Variants in SIK2 observed in about 807,000 individuals in gnomAD.
The protein encoded by SIK2 is salt inducible kinase 2.
A neutral mutation model predicts 103.2 loss-of-function variants in SIK2; 29 were observed. That is an observed-to-expected ratio of 0.28 (90% CI 0.21 to 0.38). The LOEUF (loss-of-function observed/expected upper bound fraction) is 0.38. Ranked by LOEUF, SIK2 falls within the 10% of genes least tolerant of loss-of-function variation. The pLI, the probability that SIK2 is intolerant of heterozygous loss-of-function variation, is 1.00. For synonymous variants in SIK2, 412 were observed against 446.1 expected (o/e 0.92, Z 0.96); for missense variants, 879 against 1,171.0 (o/e 0.75, Z 3.64).
intron 1 of SIK2, among the ~76,000 whole-genome samples, chr11:111,606,767 G>A (rs1234035762): frequency 6.6e-6 from 1 of 151,960 alleles, no homozygotes; most frequent in African/African-American, 2.4e-5. Context: ...ACATTAAAGA[G>A]TAGTGTATTT....
At chr11:111,635,801 T>C (rs1204607427) in intron 3 of SIK2, among the ~76,000 whole-genome samples, 2 of 152,204 alleles carry the variant, frequency 1.3e-5, no homozygotes, top group African/African-American at 4.8e-5. Flanking sequence ...CCGTTAGTTA[T>C]GGTTCAAAGC....
chr11:111,610,300 G>A (rs1300976720), intron 1 of SIK2, among the ~76,000 whole-genome samples: 1 of 152,048 alleles, frequency 6.6e-6, no homozygotes, highest in African/African-American at 2.4e-5. Context: ...GACCAGCCTG[G>A]CCAACATGGT....
Position 111,724,193 on chromosome 11 carries a change from G to A in SIK2, c.*64G>A, listed in dbSNP as rs901481023. ...AGTGTATGTTCCTATTTTTATTCCAGCCTTTTAAATTTAAAGCTTATTTTC... is the reference window on the plus strand; with the variant it reads ...AGTGTATGTTCCTATTTTTATTCCAACCTTTTAAATTTAAAGCTTATTTTC... On this transcript the variant is annotated 3_prime_UTR_variant, in exon 15 of 15. Transcript: ENST00000304987. 7 of 1,531,718 alleles carry A rather than the reference G, an allele frequency of 4.6e-6. No homozygotes were observed. The Admixed American group carries it at 1.4e-4, about 30-fold the overall frequency. 94.9% of individuals were successfully genotyped at this position (1,531,718 alleles called of 1,614,324 possible).
At chr11:111,616,447 C>G (rs1941807746) in intron 2 of SIK2, 88 bp downstream of exon 2, 1 of 769,752 alleles carries the variant, frequency 1.3e-6, no homozygotes, top group African/African-American at 1.7e-5. Flanking sequence ...ATTTGTTTTT[C>G]TAATCAATGA....
chr11:111,703,551 T>C (rs1474868884), intron 7 of SIK2, 128 bp downstream of exon 7: 3 of 736,106 alleles, frequency 4.1e-6, no homozygotes, highest in Non-Finnish European at 6.7e-6. Flanking sequence ...GTGTTCCCTA[T>C]AGATGACATC....
In SIK2 at chr11:111,703,116, C is replaced by T. The variant is rs1487724067; in HGVS notation, c.728-87C>T. 11 of 1,174,254 alleles carry T rather than the reference C, an allele frequency of 9.4e-6. No homozygotes were observed. In the East Asian group the frequency reaches 1.6e-4, roughly 18 times the overall value. 72.7% of individuals were successfully genotyped at this position (1,174,254 alleles called of 1,614,324 possible). ...CCAGTAGAGGATACAAAGATTAACACCCTTGTACAAAGTCACATGAGTCAA... is the reference window on the plus strand; with the variant it reads ...CCAGTAGAGGATACAAAGATTAACATCCTTGTACAAAGTCACATGAGTCAA... On this transcript the variant is annotated intron_variant, in intron 6 of 14. Transcript: ENST00000304987.
chr11:111,640,337 C>T (rs112276797), intron 3 of SIK2, among the ~76,000 whole-genome samples: 3 of 152,320 alleles, frequency 2.0e-5, no homozygotes, highest in African/African-American at 7.2e-5. Flanking sequence ...TCCCAGTCTG[C>T]TATCTTGAAA....
chr11:111,609,589 TG>T (rs1941692779), intron 1 of SIK2, among the ~76,000 whole-genome samples: 1 of 152,234 alleles, frequency 6.6e-6, no homozygotes, highest in Non-Finnish European at 1.5e-5. Flanking sequence ...CCCAAAGTGC[TG>T]GGATTACAGG....
chr11:111,656,833 C>G (rs756433614), intron 3 of SIK2, among the ~76,000 whole-genome samples: 2 of 152,126 alleles, frequency 1.3e-5, no homozygotes, highest in Non-Finnish European at 2.9e-5. Context: ...ATTTTATGTT[C>G]TTATACTCTA....
At chr11:111,627,972 C>G (rs1201765432) in intron 3 of SIK2, among the ~76,000 whole-genome samples, 2 of 152,152 alleles carry the variant, frequency 1.3e-5, no homozygotes, top group African/African-American at 4.8e-5. Flanking sequence ...TAGTCAAGTA[C>G]ATTTTATATA....
intron 3 of SIK2, among the ~76,000 whole-genome samples, chr11:111,681,699 G>T (rs953512980): frequency 3.3e-5 from 5 of 151,982 alleles, no homozygotes; most frequent in African/African-American, 1.2e-4. Context: ...GTTTTTTTCA[G>T]AATAATAACT....
intron 3 of SIK2, among the ~76,000 whole-genome samples, chr11:111,660,132 T>C (rs1942448464): frequency 6.6e-6 from 1 of 152,116 alleles, no homozygotes; most frequent in African/African-American, 2.4e-5. Context: ...GCTCTGTTGG[T>C]GAGAAAGAGA....
Position 111,687,927 on chromosome 11 carries a change from A to G in SIK2, c.317-74A>G. ...GCCAGAAAAAAAACTTTTTGAGGAA[A>G]AAAATTTCCTGACTACTAATAGTGG... On this transcript the variant is annotated intron_variant, in intron 3 of 14. Transcript: ENST00000304987. The G allele has an allele frequency of 3.2e-6, 5 of 1,551,386 alleles. No individual in the cohort carries two copies. In the South Asian group the frequency reaches 4.9e-5, roughly 15 times the overall value.
At chr11:111,627,966 C>G (rs1479724279) in intron 3 of SIK2, among the ~76,000 whole-genome samples, 4 of 152,158 alleles carry the variant, frequency 2.6e-5, no homozygotes, top group Non-Finnish European at 5.9e-5. Context: ...CTTCTCTAGT[C>G]AAGTACATTT....
intron 2 of SIK2, among the ~76,000 whole-genome samples, chr11:111,618,639 A>C (rs1467347527): frequency 1.3e-5 from 2 of 152,160 alleles, no homozygotes; most frequent in African/African-American, 4.8e-5. Context: ...TAGCCACTGT[A>C]CTTTAGCCTG....
chr11:111,692,372 A>C (rs1942964792), intron 4 of SIK2, among the ~76,000 whole-genome samples: 2 of 138,662 alleles, frequency 1.4e-5, no homozygotes, highest in South Asian at 2.2e-4. Flanking sequence ...AAAAAAAAAA[A>C]AAAAAAAAAA....
Position 111,721,881 on chromosome 11 carries a change from C to T in SIK2, c.1996C>T (p.His666Tyr). 1 of 1,612,812 alleles carries T rather than the reference C, an allele frequency of 6.2e-7. No individual in the cohort carries two copies. Among genetic ancestry groups the T allele is most frequent in the South Asian group, 1.1e-5 (1 of 90,956 alleles). The change falls in exon 13 of 15, where the codon CAT (histidine) becomes TAT (tyrosine). Residue 666 changes from histidine to tyrosine, a missense_variant. Around this residue, in one of 7 missense-constraint regions of SIK2, gnomAD observed 375 missense variants for 416.3 expected, o/e 0.90. Transcript: ENST00000304987. Reference sequence around the variant, plus strand: ...CGTCTCCACTCTCCCTGCCAGCGTGCATCCCCAGCTGTCCCCACGGCAGAG... The same window carrying T: ...CGTCTCCACTCTCCCTGCCAGCGTGTATCCCCAGCTGTCCCCACGGCAGAG... ...ESVSTLPASV[H>Y]PQLSPRQSLE...
intron 3 of SIK2, among the ~76,000 whole-genome samples, chr11:111,672,656 A>C (rs189924312): frequency 1.6e-3 from 243 of 152,278 alleles, no homozygotes; most frequent in African/African-American, 5.2e-3. Context: ...GACTGTCAAG[A>C]AGCTGCTGAC....
chr11:111,664,695 C>A (rs908201543), intron 3 of SIK2, among the ~76,000 whole-genome samples: 2 of 135,972 alleles, frequency 1.5e-5, no homozygotes, highest in Non-Finnish European at 3.2e-5. Context: ...ATCACCACCC[C>A]CCCCACACAC....
Sources: gnomAD v4.1 joint callset for allele counts (sites outside exome capture counted in the v4.1 genomes callset) on GRCh38, gnomAD v4.1.1 for gene constraint, gnomAD v4.1.1 regional missense constraint, MANE v1.5 for transcripts, NCBI Gene and HGNC (gene_info 2026-07-23, HGNC 2026-07-21) for gene names.